Variants in GPAT4 observed in about 807,000 individuals in gnomAD.
GPAT4 encodes 1-AGP acyltransferase 6.
In GPAT4, 17 loss-of-function variants were observed where a neutral mutation model predicts 58.0. The observed-to-expected ratio is 0.29, with a 90% CI of 0.20 to 0.44. GPAT4 has a LOEUF of 0.44. Among genes scored for constraint, GPAT4 ranks in the 20% least tolerant of loss-of-function variants. GPAT4 has a pLI of 1.00. For synonymous variants in GPAT4, 204 were observed against 210.1 expected, an observed-to-expected ratio of 0.97 and a Z score of 0.25; for missense variants, 377 against 574.5, an observed-to-expected ratio of 0.66 and a Z score of 3.51.
At chr8:41,584,227 T>C (rs944094425) in intron 1 of GPAT4, among the ~76,000 whole-genome samples, 1 of 152,136 alleles carries the variant, frequency 6.6e-6, no homozygotes, top group Non-Finnish European at 1.5e-5. Flanking sequence ...AAGACTGTAT[T>C]GGTGAAGATG....
intron 1 of GPAT4, among the ~76,000 whole-genome samples, chr8:41,596,468 A>G (rs1802936480): frequency 6.6e-6 from 1 of 152,196 alleles, no homozygotes. Context: ...TTCCACTCAA[A>G]TGGAGTGGGC....
At chr8:41,598,133 G>A (rs115868788) in intron 1 of GPAT4, among the ~76,000 whole-genome samples, 159 bp from the exon 2 acceptor site, 3,399 of 152,194 alleles carry the variant, frequency 0.022, 115 homozygotes, top group African/African-American at 0.075. Flanking sequence ...CCACCTGTTG[G>A]GTCTGCCTGG....
rs113520462 is a variant in GPAT4, at chr8:41,582,674, A to AGAGTGTGT, written c.-849+4397_-849+4398insAGTGTGTG. Among the ~76,000 whole-genome samples, 28 of 142,590 alleles carry AGAGTGTGT rather than the reference A, an allele frequency of 2.0e-4. 1 individual carries two copies. Among genetic ancestry groups the AGAGTGTGT allele is most frequent in the East Asian group, 2.0e-3 (9 of 4,594 alleles). 93.5% of individuals were successfully genotyped at this position (142,590 alleles called of 152,430 possible). On this transcript the variant is annotated intron_variant, in intron 1 of 12. Coordinates refer to ENST00000396987, the MANE Select transcript of GPAT4 (RefSeq NM_178819.4). ...TCCACAAGGGGAGGGAGAGAGAGAG[A>AGAGTGTGT]GTGTGTGTGTGTGTGTGTGTGGGTG...
intron 1 of GPAT4, among the ~76,000 whole-genome samples, chr8:41,592,617 C>T (rs1354949477): frequency 6.6e-6 from 1 of 152,164 alleles, no homozygotes; most frequent in Non-Finnish European, 1.5e-5. Context: ...TACAGTTCCT[C>T]AACATACATA....
intron 5 of GPAT4, among the ~76,000 whole-genome samples, chr8:41,611,328 A>G (rs1279876702): frequency 1.3e-5 from 2 of 152,194 alleles, no homozygotes; most frequent in Non-Finnish European, 2.9e-5. Context: ...CAGCCCTCAC[A>G]TTCTTCCCAT....
chr8:41,612,890 A>G lies in GPAT4; in HGVS notation c.841A>G (p.Met281Val). The G allele has an allele frequency of 6.2e-7, 1 of 1,614,154 alleles. No individual in the cohort carries two copies. The highest frequency in any genetic ancestry group is 8.5e-7 in the Non-Finnish European group (1 of 1,180,028). ...GGLMGVIQRA[M>V]VKACPHVWFE... is the part of the protein sequence containing the mutation. Reference sequence around the variant, plus strand: ...ACTCATGGGTGTGATTCAGAGAGCCATGGTGAAGGCCTGCCCACACGTCTG... The same window carrying G: ...ACTCATGGGTGTGATTCAGAGAGCCGTGGTGAAGGCCTGCCCACACGTCTG... The change falls in exon 8 of 13, where the codon ATG (methionine) becomes GTG (valine). Residue 281 changes from methionine (M) to valine (V), a missense_variant. Transcript: ENST00000396987.
At chr8:41,620,018 T>C (rs1488841122) in intron 12 of GPAT4, among the ~76,000 whole-genome samples, 1 of 152,226 alleles carries the variant, frequency 6.6e-6, no homozygotes, top group African/African-American at 2.4e-5. Flanking sequence ...ACATTAGCAC[T>C]GGAGCTAGAT....
intron 1 of GPAT4, 183 bp downstream of exon 1, chr8:41,578,461 G>A (rs1802421468): frequency 6.6e-6 from 1 of 151,874 alleles, no homozygotes; most frequent in Admixed American, 6.6e-5. Context: ...GGGTGGAGCG[G>A]GTGCCCCCCG....
intron 1 of GPAT4, among the ~76,000 whole-genome samples, chr8:41,595,681 A>G (rs1042271257): frequency 5.3e-5 from 8 of 151,918 alleles, no homozygotes; most frequent in African/African-American, 1.4e-4. Context: ...TTTCTTAACT[A>G]CTTGTATATC....
intron 1 of GPAT4, among the ~76,000 whole-genome samples, chr8:41,590,509 C>G (rs1211781034): frequency 6.6e-6 from 1 of 152,184 alleles, no homozygotes; most frequent in African/African-American, 2.4e-5. Context: ...TAACTTGAGT[C>G]CCTTAATCTT....
chr8:41,607,192 T>A (rs1803300450), intron 2 of GPAT4, among the ~76,000 whole-genome samples: 1 of 152,144 alleles, frequency 6.6e-6, no homozygotes, highest in African/African-American at 2.4e-5. Context: ...AGCCACCTGA[T>A]CAGCCATTTC....
chr8:41,579,608 C>T (rs1802457212), intron 1 of GPAT4, among the ~76,000 whole-genome samples: 1 of 152,134 alleles, frequency 6.6e-6, no homozygotes, highest in African/African-American at 2.4e-5. Context: ...GAGGCCGAGG[C>T]GGGCGGATCA....
intron 4 of GPAT4, 134 bp from the exon 5 acceptor site, chr8:41,610,602 A>G: frequency 1.3e-6 from 2 of 1,536,996 alleles, no homozygotes; most frequent in Non-Finnish European, 1.8e-6. Context: ...TTTCTAGGTG[A>G]ACTCTGGTCC....
chr8:41,615,063 A>G lies in GPAT4; in HGVS notation c.1053+15A>G. The G allele has an allele frequency of 6.3e-7, 1 of 1,599,814 alleles. No individual in the cohort carries two copies. The highest frequency in any genetic ancestry group is 1.3e-5 in the African/African-American group (1 of 74,674). ...TTGCTATCAAGGTATAAGACCTCCG[A>G]TGGTACACACTGTCATTACTGGAGC... On this transcript the variant is annotated intron_variant, in intron 10 of 12. Transcript: ENST00000396987.
intron 8 of GPAT4, 50 bp from the exon 9 acceptor site, chr8:41,614,336 C>T (rs377015034): frequency 2.2e-5 from 32 of 1,456,756 alleles, no homozygotes; most frequent in African/African-American, 9.9e-5. Flanking sequence ...CATATTTTGA[C>T]GATGTGTATA....
intron 1 of GPAT4, among the ~76,000 whole-genome samples, chr8:41,596,946 G>T (rs969641795): frequency 6.6e-6 from 1 of 152,160 alleles, no homozygotes; most frequent in Non-Finnish European, 1.5e-5. Context: ...GGTCATGATC[G>T]ATTGAGCAAG....
Position 41,611,899 on chromosome 8 carries a change from G to A in GPAT4, c.612-4G>A, listed in dbSNP as rs1158682468. The A allele has an allele frequency of 1.2e-6, 2 of 1,613,728 alleles. No homozygotes were observed. The highest frequency in any genetic ancestry group is 1.7e-6 in the Non-Finnish European group (2 of 1,179,698). The stretch of plus-strand genomic sequence containing the variant: ...AACCCAGAATCCTTGTCCTGTTATT[G>A]CAGGTTTAAGGAGTTCATGAGTAAA... On this transcript the variant is annotated splice_polypyrimidine_tract_variant and splice_region_variant and intron_variant, in intron 5 of 12. Transcript: ENST00000396987.
At chr8:41,617,299 G>C (rs1476748637) in intron 10 of GPAT4, among the ~76,000 whole-genome samples, 1 of 152,160 alleles carries the variant, frequency 6.6e-6, no homozygotes, top group African/African-American at 2.4e-5. Context: ...GGGAGGTGGA[G>C]CTTGCAGTGA....
intron 1 of GPAT4, chr8:41,585,059 C>T (rs144061630): frequency 6.6e-6 from 1 of 152,210 alleles, no homozygotes; most frequent in Admixed American, 6.5e-5. Flanking sequence ...GAGAGCTGCC[C>T]TGTTTGGAAA....
Sources: gnomAD v4.1 joint callset for allele counts (sites outside exome capture counted in the v4.1 genomes callset) on GRCh38, gnomAD v4.1.1 for gene constraint, MANE v1.5 for transcripts, NCBI Gene and HGNC (gene_info 2026-07-23, HGNC 2026-07-21) for gene names.